ATP13A4: variants seen among roughly 807,000 people sequenced by gnomAD.
ATP13A4 encodes ATPase 13A4, also known as probable cation-transporting ATPase 13A4.
A neutral mutation model predicts 142.5 loss-of-function variants in ATP13A4; 114 were observed. The observed-to-expected ratio is 0.80, with a 90% CI of 0.69 to 0.93. The LOEUF (loss-of-function observed/expected upper bound fraction) is 0.93, where lower values mean the gene tolerates loss of function less well. ATP13A4 is among the 40% of genes least tolerant of loss of function. The pLI is 0.00. For synonymous variants in ATP13A4, 488 were observed against 514.8 expected, an observed-to-expected ratio of 0.95 and a Z score of 0.70; for missense variants, 1,392 against 1,454.0, an observed-to-expected ratio of 0.96 and a Z score of 0.69.
intron 7 of ATP13A4, among the ~76,000 whole-genome samples, chr3:193,488,626 T>C (rs529679259): frequency 2.6e-5 from 4 of 152,054 alleles, no homozygotes; most frequent in Non-Finnish European, 5.9e-5. Context: ...AATGGAGTCA[T>C]GAGGGAGGAA....
chr3:193,482,938 A>G (rs957387266), intron 8 of ATP13A4, among the ~76,000 whole-genome samples: 3 of 152,214 alleles, frequency 2.0e-5, no homozygotes, highest in African/African-American at 7.2e-5. Flanking sequence ...CACGGCTTGT[A>G]TCCAAATGAT....
At chr3:193,533,366 G>C (rs1722428599) in intron 1 of ATP13A4, among the ~76,000 whole-genome samples, 1 of 152,114 alleles carries the variant, frequency 6.6e-6, no homozygotes, top group Admixed American at 6.5e-5. Context: ...TAGAACAGTA[G>C]AAAGAAGGCA....
chr3:193,500,984 G>A (rs1426693590), intron 3 of ATP13A4, among the ~76,000 whole-genome samples: 3 of 152,186 alleles, frequency 2.0e-5, no homozygotes, highest in South Asian at 2.1e-4. Context: ...CAAGACCAGA[G>A]AGGCAGTAAC....
intron 2 of ATP13A4, among the ~76,000 whole-genome samples, chr3:193,573,308 C>CGTATATATATATATATTCTTTTAT (rs1229145689): frequency 9.6e-6 from 1 of 103,674 alleles, no homozygotes; most frequent in Non-Finnish European, 1.8e-5. Context: ...TATATATATA[C>CGTATATATATATATATTCTTTTAT]ATATATATAT....
chr3:193,463,951 A>G (rs1718111996), intron 12 of ATP13A4, among the ~76,000 whole-genome samples: 1 of 152,248 alleles, frequency 6.6e-6, no homozygotes, highest in Non-Finnish European at 1.5e-5. Context: ...ATATAGCTTC[A>G]GTTTGGGAAA....
At chr3:193,513,862 A>C (rs773851092) in intron 2 of ATP13A4, among the ~76,000 whole-genome samples, 2 of 152,176 alleles carry the variant, frequency 1.3e-5, no homozygotes, top group Non-Finnish European at 2.9e-5. Flanking sequence ...TCTTTTCCTC[A>C]GGAGTCACTC....
At chr3:193,554,633 C>CTG (rs1037218476) in intron 1 of ATP13A4, 107 bp downstream of exon 1, 17 of 1,386,546 alleles carry the variant, frequency 1.2e-5, no homozygotes, top group African/African-American at 1.0e-4. Flanking sequence ...TTAGAAAAGT[C>CTG]TGTGTGTGTG....
At chr3:193,523,910 A>T (rs1279605563) in intron 1 of ATP13A4, among the ~76,000 whole-genome samples, 1 of 152,058 alleles carries the variant, frequency 6.6e-6, no homozygotes, top group Admixed American at 6.5e-5. Flanking sequence ...AGTTCCCACA[A>T]GAGCGGTTGT....
At chr3:193,408,651 T>G (rs922832321) in intron 28 of ATP13A4, among the ~76,000 whole-genome samples, 1 of 152,196 alleles carries the variant, frequency 6.6e-6, no homozygotes, top group Non-Finnish European at 1.5e-5. Context: ...AAGCTGCACA[T>G]AGCCAAGAAA....
At position 193,446,658 on chromosome 3, in the gene ATP13A4, TATG is replaced by T. The variant is rs560429293; in HGVS notation, c.2152+1545_2152+1547del. On this transcript the variant is annotated intron_variant, in intron 18 of 29. Coordinates refer to ENST00000342695, the MANE Select transcript of ATP13A4 (RefSeq NM_032279.4). ...GTATAACATTCAAAGTGACAGATAT[TATG>T]ATGACTTAATAAATATGTCAAAAAA... 2.6e-4 allele frequency among the ~76,000 whole-genome samples: 40 copies of T among 152,254 alleles called. 1 individual carries two copies. The highest frequency in any genetic ancestry group is 1.5e-3 in the South Asian group (7 of 4,818).
chr3:193,520,829 G>A (rs2108689959), intron 1 of ATP13A4, among the ~76,000 whole-genome samples: 1 of 152,264 alleles, frequency 6.6e-6, no homozygotes, highest in East Asian at 1.9e-4. Context: ...GGATCCTGAG[G>A]AACAAAATGA....
intron 1 of ATP13A4, among the ~76,000 whole-genome samples, chr3:193,546,957 C>T (rs918786331): frequency 6.6e-6 from 1 of 152,164 alleles, no homozygotes. Context: ...AGTATTTGCT[C>T]TTACTATTGC....
chr3:193,446,571 A>G (rs1319703254), intron 18 of ATP13A4, among the ~76,000 whole-genome samples: 1 of 152,236 alleles, frequency 6.6e-6, no homozygotes, highest in African/African-American at 2.4e-5. Flanking sequence ...TTGGTGATTC[A>G]GTTATATAAA....
chr3:193,579,377 T>C (rs921623828), intron 2 of ATP13A4: 4 of 230,574 alleles, frequency 1.7e-5, no homozygotes, highest in Admixed American at 4.6e-5. Context: ...ACGTGTCCAA[T>C]GGTGACAATG....
At position 193,402,784 on chromosome 3, in the gene ATP13A4, T is replaced by C. The variant is rs147385369; in HGVS notation, c.3459A>G (p.Ile1153Met). 6.2e-7 allele frequency: 1 copy of C among 1,614,064 alleles called. No individual in the cohort carries two copies. The highest frequency in any genetic ancestry group is 8.5e-7 in the Non-Finnish European group (1 of 1,180,022). Reference sequence around the variant, plus strand: ...GGTCATTTGCCAAGTCCCTCTGCCATATCCGATACTGGCTTTTTGACTGAT... The same window carrying C: ...GGTCATTTGCCAAGTCCCTCTGCCACATCCGATACTGGCTTTTTGACTGAT... ...FGYQSKSQYR[I>M]WQRDLANDPS... is the part of the protein sequence containing the mutation. Residue 1153 changes from isoleucine to methionine, a missense_variant, in exon 30 of 30, where the codon ATA (isoleucine) becomes ATG (methionine). Transcript: ENST00000342695.
At chr3:193,432,804 G>T (rs1716053644) in intron 25 of ATP13A4, among the ~76,000 whole-genome samples, 1 of 152,108 alleles carries the variant, frequency 6.6e-6, no homozygotes, top group African/African-American at 2.4e-5. Context: ...GTGGTTGCCA[G>T]GAGCTTTGGG....
At chr3:193,526,107 T>TA (rs1033419491) in intron 1 of ATP13A4, among the ~76,000 whole-genome samples, 18 of 152,320 alleles carry the variant, frequency 1.2e-4, no homozygotes, top group African/African-American at 4.1e-4. Flanking sequence ...TATGAAATGA[T>TA]ACGGATATAT....
chr3:193,458,926 T>G, intron 14 of ATP13A4, 155 bp downstream of exon 14: 8 of 963,706 alleles, frequency 8.3e-6, no homozygotes, highest in Non-Finnish European at 1.3e-5. Flanking sequence ...ATTGCACAGA[T>G]GAGGAAACCA....
chr3:193,417,057 CA>C (rs376928444), intron 25 of ATP13A4: 3 of 152,024 alleles, frequency 2.0e-5, no homozygotes, highest in African/African-American at 7.2e-5. Flanking sequence ...AGCCAGAAGT[CA>C]AGGGATAACA....
Sources: gnomAD v4.1 joint callset for allele counts (sites outside exome capture counted in the v4.1 genomes callset) on GRCh38, gnomAD v4.1.1 for gene constraint, MANE v1.5 for transcripts, NCBI Gene and HGNC (gene_info 2026-07-23, HGNC 2026-07-21) for gene names.